Variants in MACROD2 observed in about 807,000 individuals in gnomAD.
MACROD2 encodes mono-ADP ribosylhydrolase 2, also known as ADP-ribose glycohydrolase MACROD2.
In MACROD2, 36 loss-of-function variants were observed where a neutral mutation model predicts 70.4. That is an observed-to-expected ratio of 0.51 (90% CI 0.39 to 0.68). The LOEUF (loss-of-function observed/expected upper bound fraction) is 0.68. Ranked by LOEUF, MACROD2 falls within the 30% of genes least tolerant of loss-of-function variation. The pLI, the probability that MACROD2 is intolerant of heterozygous loss-of-function variation, is 0.00. For synonymous variants in MACROD2, 172 were observed against 178.8 expected, an observed-to-expected ratio of 0.96 and a Z score of 0.30; for missense variants, 496 against 538.4, an observed-to-expected ratio of 0.92 and a Z score of 0.78.
intron 3 of MACROD2, among the ~76,000 whole-genome samples, chr20:14,309,769 T>A (rs1453904304): frequency 2.0e-5 from 3 of 152,112 alleles, no homozygotes; most frequent in African/African-American, 7.2e-5. Context: ...AACAAAAAAA[T>A]GGACAGATAC....
At chr20:14,909,643 A>T (rs1256714686) in intron 5 of MACROD2, among the ~76,000 whole-genome samples, 1 of 152,042 alleles carries the variant, frequency 6.6e-6, no homozygotes, top group East Asian at 1.9e-4. Flanking sequence ...GGAAACTCTG[A>T]CCTACCTCTT....
rs141600442 is a variant in MACROD2, at chr20:15,471,706, A to G, written c.572-28068A>G. ...TTCTTTTCCACCACATTTTTTTTGT[A>G]TCTTCATCCATTTCCTTCTCCTTCT... On this transcript the variant is annotated intron_variant, in intron 7 of 17. Transcript: ENST00000684519. Among the ~76,000 whole-genome samples, 591 of 152,052 alleles carry G rather than the reference A, an allele frequency of 3.9e-3. 3 individuals are homozygous for G. Among genetic ancestry groups the G allele is most frequent in the African/African-American group, 0.013 (550 of 41,472 alleles).
chr20:15,365,242 T>C (rs748380384), intron 6 of MACROD2, among the ~76,000 whole-genome samples: 2 of 152,190 alleles, frequency 1.3e-5, no homozygotes, highest in Non-Finnish European at 2.9e-5. Flanking sequence ...TATAGTTATA[T>C]TTCTGAATAT....
Position 14,684,896 on chromosome 20 carries a change from A to G in MACROD2, c.355A>G (p.Asn119Asp). The G allele has an allele frequency of 6.2e-7, 1 of 1,614,078 alleles. No individual in the cohort carries two copies. Among genetic ancestry groups the G allele is most frequent in the Non-Finnish European group, 8.5e-7 (1 of 1,179,958 alleles). ...AGPCLLAECR[N>D]LNGCDTGHAK... ...CCCCTGTTTGCTAGCTGAATGTCGT[A>G]ACCTGAATGGCTGTGATACTGGACA... The change falls in exon 5 of 18, where the codon AAC (asparagine) becomes GAC (aspartate). Residue 119 changes from asparagine to aspartate, a missense_variant. By Grantham distance (23) the Asn-to-Asp change is conservative. Transcript: ENST00000684519.
At chr20:15,547,070 C>G (rs917618757) in intron 8 of MACROD2, among the ~76,000 whole-genome samples, 22 of 152,144 alleles carry the variant, frequency 1.4e-4, no homozygotes, top group Non-Finnish European at 3.1e-4. Flanking sequence ...ATCACCTGCC[C>G]CAATTTCAAA....
chr20:14,701,059 A>T (rs1156267900), intron 5 of MACROD2, among the ~76,000 whole-genome samples: 2 of 152,172 alleles, frequency 1.3e-5, no homozygotes, highest in African/African-American at 2.4e-5. Context: ...ACAGATGAGC[A>T]GAAAATGTGC....
chr20:14,743,184 C>T (rs573369149), intron 5 of MACROD2, among the ~76,000 whole-genome samples: 3 of 152,172 alleles, frequency 2.0e-5, no homozygotes, highest in African/African-American at 7.2e-5. Flanking sequence ...TGAATTTTTA[C>T]TTAGACACAG....
At chr20:14,206,499 G>A (rs2081524318) in intron 3 of MACROD2, among the ~76,000 whole-genome samples, 1 of 152,194 alleles carries the variant, frequency 6.6e-6, no homozygotes, top group Admixed American at 6.5e-5. Context: ...TCAAAAAACA[G>A]TCTTTTCATA....
chr20:15,261,900 A>G (rs2077252686), intron 6 of MACROD2, among the ~76,000 whole-genome samples: 1 of 151,788 alleles, frequency 6.6e-6, no homozygotes, highest in South Asian at 2.1e-4. Context: ...TTTTCTTAAC[A>G]TTTAATTTTT....
chr20:14,643,908 T>G (rs553504317), intron 4 of MACROD2, among the ~76,000 whole-genome samples: 12 of 152,140 alleles, frequency 7.9e-5, no homozygotes, highest in African/African-American at 2.6e-4. Context: ...ATGGATAGAA[T>G]TTTTTTTAAA....
chr20:15,236,983 T>G (rs138734768), intron 6 of MACROD2, among the ~76,000 whole-genome samples: 81 of 152,286 alleles, frequency 5.3e-4, no homozygotes, highest in Admixed American at 4.3e-3. Flanking sequence ...GGGACCATTT[T>G]GTGAGGGTGG....
At chr20:14,710,713 CTTA>C (rs2071328378) in intron 5 of MACROD2, among the ~76,000 whole-genome samples, 1 of 152,130 alleles carries the variant, frequency 6.6e-6, no homozygotes, top group African/African-American at 2.4e-5. Flanking sequence ...TATCATGTAA[CTTA>C]TTATCATTTT....
chr20:14,914,467 C>A, intron 5 of MACROD2, among the ~76,000 whole-genome samples: 1 of 152,124 alleles, frequency 6.6e-6, no homozygotes, highest in East Asian at 1.9e-4. Context: ...CAAGTTGGAT[C>A]AAGATCTATA....
At chr20:15,727,549 G>T (rs1039413683) in intron 8 of MACROD2, among the ~76,000 whole-genome samples, 2 of 151,906 alleles carry the variant, frequency 1.3e-5, no homozygotes, top group Non-Finnish European at 2.9e-5. Context: ...TTTTAACAAC[G>T]TTGCTTCTTC....
rs2081590440 is a variant in MACROD2, at chr20:14,213,714, TA to T, written c.271+127991del. Among the ~76,000 whole-genome samples the T allele has an allele frequency of 2.0e-5, 3 of 152,092 alleles. No individual in the cohort carries two copies. The South Asian group carries it at 6.2e-4, about 32-fold the overall frequency. ...GGAGAGCTCAGGAACAATATAGCTT[TA>T]AAAAGTTTTTCTTCGGCAGTCAAAA... On this transcript the variant is annotated intron_variant, in intron 3 of 17. Transcript: ENST00000684519.
intron 5 of MACROD2, among the ~76,000 whole-genome samples, chr20:15,096,966 C>A (rs766296681): frequency 3.3e-5 from 5 of 151,674 alleles, no homozygotes; most frequent in African/African-American, 1.2e-4. Flanking sequence ...TGCTCGCCAC[C>A]ACGCCCAGTT....
At chr20:14,281,001 T>A (rs2082301950) in intron 3 of MACROD2, among the ~76,000 whole-genome samples, 2 of 152,202 alleles carry the variant, frequency 1.3e-5, no homozygotes. Context: ...CCCAAACAGC[T>A]TTACTTTATA....
intron 6 of MACROD2, among the ~76,000 whole-genome samples, chr20:15,332,650 A>G (rs1344093901): frequency 6.6e-6 from 1 of 151,406 alleles, no homozygotes; most frequent in Non-Finnish European, 1.5e-5. Flanking sequence ...ATGAGACGAT[A>G]TATGACGTGA....
At chr20:14,425,156 T>C (rs2083919620) in intron 3 of MACROD2, among the ~76,000 whole-genome samples, 1 of 152,232 alleles carries the variant, frequency 6.6e-6, no homozygotes. Flanking sequence ...AGAAAATCTC[T>C]TTCACCCAGT....
Sources: allele counts gnomAD v4.1 joint callset (sites outside exome capture counted in the v4.1 genomes callset), GRCh38; gene constraint gnomAD v4.1.1; transcripts MANE v1.5; gene names NCBI Gene and HGNC (gene_info 2026-07-23, HGNC 2026-07-21).